The following SGCZ variants were observed in gnomAD, a reference collection of about 807,000 sequenced individuals.
The protein encoded by SGCZ is sarcoglycan zeta.
A neutral mutation model predicts 41.3 loss-of-function variants in SGCZ; 40 were observed. That is an observed-to-expected ratio of 0.97 (90% CI 0.75 to 1.26). The LOEUF (loss-of-function observed/expected upper bound fraction) is 1.26. Ranked by LOEUF, SGCZ falls within the 50% of genes most tolerant of loss-of-function variation. The pLI is 0.00. For missense variants in SGCZ, 552 were observed against 369.8 expected (o/e 1.49, Z -4.04); for synonymous variants, 206 against 137.5 (o/e 1.50, Z -3.49).
intron 1 of SGCZ, among the ~76,000 whole-genome samples, chr8:14,704,093 T>C (rs1341474809): frequency 2.0e-5 from 3 of 152,056 alleles, no homozygotes; most frequent in Non-Finnish European, 4.4e-5. Context: ...AGGAATCATG[T>C]CCGTTACGAC....
chr8:14,761,557 A>G (rs2130356804), intron 1 of SGCZ, among the ~76,000 whole-genome samples: 1 of 143,784 alleles, frequency 7.0e-6, no homozygotes, highest in Admixed American at 7.2e-5. Flanking sequence ...TTTGAGAGGG[A>G]GTCTCTCCCT....
At chr8:15,048,540 T>A (rs1804397156) in intron 1 of SGCZ, among the ~76,000 whole-genome samples, 1 of 152,076 alleles carries the variant, frequency 6.6e-6, no homozygotes, top group South Asian at 2.1e-4. Context: ...ATTCCAATTA[T>A]CCTGACTTGA....
chr8:14,317,290 T>C (rs1801751584), intron 3 of SGCZ, among the ~76,000 whole-genome samples: 1 of 152,022 alleles, frequency 6.6e-6, no homozygotes, highest in Non-Finnish European at 1.5e-5. Context: ...CATTAAAATA[T>C]TAGGTGCTAC....
intron 1 of SGCZ, among the ~76,000 whole-genome samples, chr8:15,220,959 A>G (rs1294764074): frequency 6.6e-6 from 1 of 152,162 alleles, no homozygotes; most frequent in Non-Finnish European, 1.5e-5. Flanking sequence ...TGGGAATTGA[A>G]CAATGAGAAT....
At chr8:14,260,424 G>A (rs12155870) in intron 3 of SGCZ, among the ~76,000 whole-genome samples, 128,388 of 138,410 alleles carry the variant, frequency 0.93, 60,336 homozygotes, top group East Asian at 1. Context: ...TTAGAATGGC[G>A]ATCATTAAAA....
intron 4 of SGCZ, among the ~76,000 whole-genome samples, chr8:14,174,266 A>C (rs191463219): frequency 1.3e-5 from 2 of 152,302 alleles, no homozygotes; most frequent in East Asian, 3.9e-4. Context: ...ATATTGCATA[A>C]CGATAGAAAA....
intron 1 of SGCZ, among the ~76,000 whole-genome samples, chr8:14,647,513 G>C (rs949931602): frequency 1.3e-5 from 2 of 151,920 alleles, no homozygotes; most frequent in Non-Finnish European, 2.9e-5. Context: ...TCTATGTAAA[G>C]TCACCTTCTC....
In SGCZ at chr8:14,780,408, A is replaced by C. The variant is rs191711484; in HGVS notation, c.40-225482T>G. ...AAAAAAAAGAAAAGAAAAGAAAACAAAAATACAACCACTTAGTTTCTCTGA... is the reference window on the plus strand; with the variant it reads ...AAAAAAAAGAAAAGAAAAGAAAACACAAATACAACCACTTAGTTTCTCTGA... On this transcript the variant is annotated intron_variant, in intron 1 of 7. Transcript: ENST00000382080. Among the ~76,000 whole-genome samples, 543 of 152,016 alleles carry C rather than the reference A, an allele frequency of 3.6e-3. 3 individuals are homozygous for C. Among genetic ancestry groups the C allele is most frequent in the Middle Eastern group, 0.014 (4 of 294 alleles).
At chr8:14,518,287 A>G (rs1337717036) in intron 2 of SGCZ, among the ~76,000 whole-genome samples, 2 of 152,082 alleles carry the variant, frequency 1.3e-5, no homozygotes, top group East Asian at 3.9e-4. Flanking sequence ...AACAAAGAAA[A>G]TGACATATTC....
intron 1 of SGCZ, among the ~76,000 whole-genome samples, chr8:14,677,590 G>T (rs1001352808): frequency 2.6e-5 from 4 of 152,124 alleles, no homozygotes; most frequent in African/African-American, 9.7e-5. Context: ...GGCAAATACA[G>T]TGAAACCCAG....
intron 5 of SGCZ, among the ~76,000 whole-genome samples, chr8:14,154,683 AG>A (rs918910010): frequency 6.6e-6 from 1 of 152,176 alleles, no homozygotes; most frequent in African/African-American, 2.4e-5. Context: ...CAAGTTCTTT[AG>A]CGCTCCTTTT....
chr8:15,110,740 G>C (rs956293525), intron 1 of SGCZ, among the ~76,000 whole-genome samples: 2 of 152,080 alleles, frequency 1.3e-5, no homozygotes. Flanking sequence ...AAGCCAAGGC[G>C]GGCGGATCAC....
At chr8:15,158,598 T>A (rs1003047066) in intron 1 of SGCZ, among the ~76,000 whole-genome samples, 3 of 152,256 alleles carry the variant, frequency 2.0e-5, no homozygotes, top group Non-Finnish European at 2.9e-5. Context: ...GTCATAATTC[T>A]TCTTATTTAG....
chr8:14,394,719 TAAAG>T (rs1390365247), intron 2 of SGCZ, among the ~76,000 whole-genome samples: 4 of 152,116 alleles, frequency 2.6e-5, no homozygotes, highest in African/African-American at 7.2e-5. Context: ...TAATTGGAAA[TAAAG>T]AAAGAATCAG....
intron 1 of SGCZ, among the ~76,000 whole-genome samples, chr8:14,803,459 G>C (rs1218227172): frequency 6.6e-6 from 1 of 152,130 alleles, no homozygotes; most frequent in Non-Finnish European, 1.5e-5. Context: ...GTCAAAGAAA[G>C]GGGTGACAGA....
chr8:14,713,343 A>G (rs1447564700), intron 1 of SGCZ, among the ~76,000 whole-genome samples: 1 of 152,226 alleles, frequency 6.6e-6, no homozygotes, highest in Non-Finnish European at 1.5e-5. Flanking sequence ...TTACAGTGTT[A>G]CATAACTATC....
intron 1 of SGCZ, among the ~76,000 whole-genome samples, chr8:15,177,809 T>C (rs75819300): frequency 0.036 from 5,502 of 152,246 alleles, 157 homozygotes; most frequent in East Asian, 0.1. Flanking sequence ...CCTGAACCAG[T>C]ATACGTGGAC....
Position 14,814,502 on chromosome 8 carries a change from T to A in SGCZ, c.40-259576A>T, listed in dbSNP as rs182164280. Among the ~76,000 whole-genome samples, 130 of 152,266 alleles carry A rather than the reference T, an allele frequency of 8.5e-4. 2 individuals are homozygous for A. The highest frequency in any genetic ancestry group is 1.1e-3 in the Admixed American group (17 of 15,288). On this transcript the variant is annotated intron_variant, in intron 1 of 7. Coordinates refer to ENST00000382080, the MANE Select transcript of SGCZ (RefSeq NM_139167.4). ...AGGCTCCTAAGAGGGCCCCCAGAAG[T>A]GCCATAAGAATTGAAGGCAGGAACC...
At chr8:14,340,321 T>C (rs1802658009) in intron 2 of SGCZ, among the ~76,000 whole-genome samples, 1 of 152,168 alleles carries the variant, frequency 6.6e-6, no homozygotes, top group African/African-American at 2.4e-5. Context: ...CTCTAAACCA[T>C]ACTCTGGTTA....
Sources: gnomAD v4.1 joint callset for allele counts (sites outside exome capture counted in the v4.1 genomes callset) on GRCh38, gnomAD v4.1.1 for gene constraint, MANE v1.5 for transcripts, NCBI Gene and HGNC (gene_info 2026-07-23, HGNC 2026-07-21) for gene names.